Variants in ICA1 observed in about 807,000 individuals in gnomAD.
ICA1 encodes the protein 69 kDa islet cell autoantigen.
A neutral mutation model predicts 71.0 loss-of-function variants in ICA1; 40 were observed. That is an observed-to-expected ratio of 0.56 (90% CI 0.44 to 0.73). The LOEUF is 0.73. Ranked by LOEUF, ICA1 falls within the 30% of genes least tolerant of loss-of-function variation. The pLI, the probability that ICA1 is intolerant of heterozygous loss-of-function variation, is 0.00. For missense variants in ICA1, 578 were observed against 576.5 expected (o/e 1.00, Z -0.03); for synonymous variants, 207 against 209.5 (o/e 0.99, Z 0.10).
intron 6 of ICA1, among the ~76,000 whole-genome samples, chr7:8,190,727 T>G (rs928975808): frequency 6.6e-6 from 1 of 152,192 alleles, no homozygotes; most frequent in East Asian, 1.9e-4. Context: ...CCACCATAAG[T>G]TTGTCATTAG....
Position 8,251,921 on chromosome 7 carries a change from C to A in ICA1, c.-80+10173G>T, listed in dbSNP as rs146496337. Among the ~76,000 whole-genome samples, 519 of 152,174 alleles carry A rather than the reference C, an allele frequency of 3.4e-3. 4 individuals are homozygous for A. The highest frequency in any genetic ancestry group is 0.012 in the African/African-American group (491 of 41,518). ...TCCTCTTTCTTTTGCTTAAAGCCCTCCTTTCAAAGGATGATCGATGGTGAA... is the reference window on the plus strand; with the variant it reads ...TCCTCTTTCTTTTGCTTAAAGCCCTACTTTCAAAGGATGATCGATGGTGAA... On this transcript the variant is annotated intron_variant, in intron 1 of 13. Coordinates refer to ENST00000402384, the MANE Select transcript of ICA1 (RefSeq NM_001136020.3).
intron 4 of ICA1, among the ~76,000 whole-genome samples, chr7:8,224,962 A>G (rs1798160861): frequency 6.6e-6 from 1 of 152,198 alleles, no homozygotes; most frequent in African/African-American, 2.4e-5. Flanking sequence ...AGGTTACATG[A>G]CATCAGTGTT....
At chr7:8,244,936 C>T (rs149172463) in intron 1 of ICA1, among the ~76,000 whole-genome samples, 5,138 of 152,132 alleles carry the variant, frequency 0.034, 160 homozygotes, top group African/African-American at 0.079. Context: ...TGTGGAGAAA[C>T]AGGAACACTT....
chr7:8,239,935 C>T (rs925074337), intron 1 of ICA1, among the ~76,000 whole-genome samples: 1 of 152,216 alleles, frequency 6.6e-6, no homozygotes, highest in Non-Finnish European at 1.5e-5. Context: ...CTCAGCAAGG[C>T]CTGTTGCCTC....
intron 6 of ICA1, among the ~76,000 whole-genome samples, chr7:8,168,916 T>C (rs534763702): frequency 3.3e-5 from 5 of 152,134 alleles, no homozygotes; most frequent in Non-Finnish European, 5.9e-5. Context: ...TGCAATTCTA[T>C]GAATTTTTGA....
chr7:8,154,483 A>G (rs1800809916), intron 8 of ICA1, among the ~76,000 whole-genome samples: 1 of 152,248 alleles, frequency 6.6e-6, no homozygotes, highest in South Asian at 2.1e-4. Context: ...ACCCTGAAGC[A>G]AAGAAAACAA....
chr7:8,115,031 A>G (rs1784356753), intron 13 of ICA1: 1 of 152,210 alleles, frequency 6.6e-6, no homozygotes, highest in South Asian at 2.1e-4. Flanking sequence ...GATAGAGGCA[A>G]TGGGATTATA....
At chr7:8,139,487 TAAG>T (rs1024912764) in intron 10 of ICA1, among the ~76,000 whole-genome samples, 7 of 152,122 alleles carry the variant, frequency 4.6e-5, no homozygotes, top group Non-Finnish European at 8.8e-5. Context: ...ATGAGGACAG[TAAG>T]AAGATCAGCA....
At chr7:8,170,077 T>A (rs762996342) in intron 6 of ICA1, among the ~76,000 whole-genome samples, 1 of 152,042 alleles carries the variant, frequency 6.6e-6, no homozygotes, top group Admixed American at 6.6e-5. Flanking sequence ...GGGACAAAGA[T>A]GTAGGCTCAT....
At chr7:8,230,685 T>C (rs12533214) in intron 3 of ICA1, among the ~76,000 whole-genome samples, 24,370 of 152,122 alleles carry the variant, frequency 0.16, 4,949 homozygotes, top group African/African-American at 0.48. Context: ...GAAAATACTA[T>C]GAGATATAAA....
intron 5 of ICA1, chr7:8,218,885 G>A: frequency 3.0e-6 from 1 of 332,252 alleles, no homozygotes; most frequent in South Asian, 2.7e-5. Flanking sequence ...GAGGAATGGA[G>A]CGTATGTGAT....
intron 8 of ICA1, among the ~76,000 whole-genome samples, chr7:8,146,882 GCACACACACACA>G (rs144575495): frequency 2.2e-5 from 3 of 139,356 alleles, no homozygotes; most frequent in East Asian, 2.3e-4. Flanking sequence ...ACACACACAC[GCACACACACACA>G]CACACACACA....
chr7:8,174,770 A>AAAAAAAAAACAAAAAACC (rs1780006378), intron 6 of ICA1, among the ~76,000 whole-genome samples: 6 of 37,298 alleles, frequency 1.6e-4, no homozygotes, highest in Non-Finnish European at 5.9e-5. Context: ...AAAAAAAAAA[A>AAAAAAAAAACAAAAAACC]AAAAAAAAAC....
In ICA1 at chr7:8,113,214, TAA is replaced by T. The variant is rs34985399; in HGVS notation, c.*707_*708del. 0.015 allele frequency: 2,168 copies of T among 142,678 alleles called. 59 individuals carry two copies. The highest frequency in any genetic ancestry group is 0.054 in the African/African-American group (2,035 of 37,848). The allele number at this position is 142,678 out of a possible 1,614,324, so 8.8% of individuals were successfully genotyped here. A position where few individuals can be genotyped will look rare whatever the true frequency, so the allele number is the denominator to read the frequency against. ...ATGTCAAATATCTTTTCTGTTTAAT[TAA>T]AAAAAAAAAAAAAACAATGTCACAA... On this transcript the variant is annotated 3_prime_UTR_variant, in exon 14 of 14. Coordinates refer to ENST00000402384, the MANE Select transcript of ICA1 (RefSeq NM_001136020.3). The surrounding 1 kb of genome is among the most constrained non-coding windows in gnomAD (Gnocchi z 4.2).
chr7:8,245,568 T>C (rs1805676931), intron 1 of ICA1, among the ~76,000 whole-genome samples: 1 of 151,750 alleles, frequency 6.6e-6, no homozygotes, highest in Admixed American at 6.6e-5. Context: ...TAATAATAAT[T>C]AAAAAAGAAT....
At chr7:8,208,147 A>G (rs960052333) in intron 6 of ICA1, among the ~76,000 whole-genome samples, 12 of 152,236 alleles carry the variant, frequency 7.9e-5, no homozygotes, top group African/African-American at 2.9e-4. Flanking sequence ...TCTTTCTAAA[A>G]TATTAATTTT....
chr7:8,189,966 G>A (rs1486860527), intron 6 of ICA1, among the ~76,000 whole-genome samples: 1 of 152,174 alleles, frequency 6.6e-6, no homozygotes, highest in South Asian at 2.1e-4. Context: ...TTCTTTATTC[G>A]TAATGAAGTA....
intron 8 of ICA1, among the ~76,000 whole-genome samples, chr7:8,146,726 CGTGT>C (rs1309590761): frequency 4.6e-4 from 65 of 141,996 alleles, no homozygotes; most frequent in Admixed American, 1.1e-3. Context: ...CACGTGTGTG[CGTGT>C]GTGTGCGTGT....
In ICA1 at chr7:8,132,222, G is replaced by A. The variant is rs910369198; in HGVS notation, c.1061-4080C>T. Among the ~76,000 whole-genome samples, 2 of 152,092 alleles carry A rather than the reference G, an allele frequency of 1.3e-5. No individual in the cohort carries two copies. Among genetic ancestry groups the A allele is most frequent in the Non-Finnish European group, 2.9e-5 (2 of 68,018 alleles). ...CCTTTCTAAGATAAGCCCTCTCTAT[G>A]CCCTCCCCTCCTTCCTGAAGCCTGC... On this transcript the variant is annotated intron_variant, in intron 12 of 13. Coordinates refer to ENST00000402384, the MANE Select transcript of ICA1 (RefSeq NM_001136020.3). The surrounding 1 kb of genome is among the most constrained non-coding windows in gnomAD (Gnocchi z 4.5).
Sources: gnomAD v4.1 joint callset for allele counts (sites outside exome capture counted in the v4.1 genomes callset) on GRCh38, gnomAD v4.1.1 for gene constraint, Gnocchi (gnomAD v3.1) non-coding constraint, MANE v1.5 for transcripts, NCBI Gene and HGNC (gene_info 2026-07-23, HGNC 2026-07-21) for gene names.